Variants in SLC36A1 observed in about 807,000 individuals in gnomAD.
The protein encoded by SLC36A1 is solute carrier family 36 member 1, also known as proton-coupled amino acid transporter 1.
SLC36A1 carries 30 observed loss-of-function variants against 47.5 expected under a neutral mutation model. That is an observed-to-expected ratio of 0.63 (90% CI 0.47 to 0.86). The LOEUF (loss-of-function observed/expected upper bound fraction) is 0.86. SLC36A1 is among the 40% of genes least tolerant of loss of function. The pLI, the probability that SLC36A1 is intolerant of heterozygous loss-of-function variation, is 0.00. For missense variants in SLC36A1, 517 were observed against 606.0 expected (o/e 0.85, Z 1.54); for synonymous variants, 255 against 249.7 (o/e 1.02, Z -0.20).
the SLC36A1 span, chr5:151,544,577 T>C: frequency 6.2e-7 from 1 of 1,614,082 alleles, no homozygotes; most frequent in Non-Finnish European, 8.5e-7. Flanking sequence ...TAGAGGGTGA[T>C]ATTTTCAGGT....
chr5:151,552,794 G>T, the SLC36A1 span, among the ~76,000 whole-genome samples: 1 of 152,218 alleles, frequency 6.6e-6, no homozygotes, highest in Non-Finnish European at 1.5e-5. Context: ...ATTGAGCATG[G>T]CCCCAGGGTA....
chr5:151,484,155 A>G (rs944466996), intron 10 of SLC36A1, among the ~76,000 whole-genome samples: 3 of 152,110 alleles, frequency 2.0e-5, no homozygotes, highest in Admixed American at 6.5e-5. Flanking sequence ...CCACTTAACT[A>G]TCATGAAGTG....
the SLC36A1 span, chr5:151,531,876 C>T: frequency 9.3e-6 from 15 of 1,614,106 alleles, no homozygotes; most frequent in African/African-American, 2.7e-5. This position sits in a 1 kb window ranked among gnomAD's most constrained non-coding sequence, Gnocchi z 5.7. Context: ...TGACCTGCAG[C>T]GGCTTTTCCA....
chr5:151,469,672 T>C (rs1757051319), intron 7 of SLC36A1, among the ~76,000 whole-genome samples: 2 of 152,156 alleles, frequency 1.3e-5, no homozygotes, highest in Non-Finnish European at 2.9e-5. Flanking sequence ...TTCCAAAAGC[T>C]ATTTCCTAAT....
intron 9 of SLC36A1, among the ~76,000 whole-genome samples, chr5:151,479,028 G>A (rs959010130): frequency 1.4e-4 from 22 of 152,096 alleles, no homozygotes; most frequent in Non-Finnish European, 2.4e-4. Context: ...AAAGCTATAC[G>A]GGGGCACCAC....
chr5:151,537,578 T>C, the SLC36A1 span, among the ~76,000 whole-genome samples: 2,421 of 152,332 alleles, frequency 0.016, 66 homozygotes, highest in African/African-American at 0.055. Context: ...ACTGATTCAA[T>C]GACCCCCTTT....
chr5:151,428,704 C>T, the SLC36A1 span, among the ~76,000 whole-genome samples: 1 of 152,130 alleles, frequency 6.6e-6, no homozygotes, highest in African/African-American at 2.4e-5. Flanking sequence ...ATGATCTCGG[C>T]TCACTGCAAC....
At chr5:151,390,464 G>A in the SLC36A1 span, among the ~76,000 whole-genome samples, 7 of 152,154 alleles carry the variant, frequency 4.6e-5, no homozygotes, top group Admixed American at 2.6e-4. Context: ...TGGTGTTTTA[G>A]ACATGAAGTC....
chr5:151,376,859 C>G, the SLC36A1 span, among the ~76,000 whole-genome samples: 1 of 152,168 alleles, frequency 6.6e-6, no homozygotes, highest in Non-Finnish European at 1.5e-5. Context: ...TCTCGAACTC[C>G]TGACTTCAGG....
At chr5:151,418,602 G>A in the SLC36A1 span, among the ~76,000 whole-genome samples, 2 of 152,198 alleles carry the variant, frequency 1.3e-5, no homozygotes, top group African/African-American at 2.4e-5. Flanking sequence ...TTTGGAATCA[G>A]TGTATTTACC....
chr5:151,439,397 G>A (rs1366492135), intron 1 of SLC36A1, among the ~76,000 whole-genome samples: 7 of 152,150 alleles, frequency 4.6e-5, no homozygotes, highest in African/African-American at 1.2e-4. Flanking sequence ...GCTCACTCCC[G>A]TAATCCCAGC....
the SLC36A1 span, chr5:151,347,598 G>T: frequency 9.5e-7 from 1 of 1,048,996 alleles, no homozygotes; most frequent in Non-Finnish European, 1.4e-6. Context: ...GCTGGAACGA[G>T]GCCCCGCCCA....
the SLC36A1 span, among the ~76,000 whole-genome samples, chr5:151,377,281 G>A: frequency 6.6e-6 from 1 of 151,160 alleles, no homozygotes; most frequent in Middle Eastern, 3.2e-3. Context: ...TTCTGTCTCA[G>A]TGATCTGTCT....
chr5:151,377,347 C>CTTTTT, the SLC36A1 span, among the ~76,000 whole-genome samples: 62 of 120,288 alleles, frequency 5.2e-4, no homozygotes, highest in East Asian at 1.3e-3. Flanking sequence ...CTGTCTCTTT[C>CTTTTT]TTTTTTTTTT....
chr5:151,507,462 C>A, the SLC36A1 span: 1 of 1,614,134 alleles, frequency 6.2e-7, no homozygotes, highest in Non-Finnish European at 8.5e-7. Context: ...GCAACGGCGG[C>A]AGTAGAAGAG....
At chr5:151,467,176 A>G (rs1756526618) in intron 5 of SLC36A1, 23 bp from the exon 6 acceptor site, 17 of 1,545,044 alleles carry the variant, frequency 1.1e-5, no homozygotes, top group Admixed American at 1.8e-5. Context: ...CAGTCTTTGT[A>G]TTCCTTCCTT....
At chr5:151,362,389 CTT>C in the SLC36A1 span, among the ~76,000 whole-genome samples, 2,083 of 109,026 alleles carry the variant, frequency 0.019, 51 homozygotes, top group African/African-American at 0.081. Flanking sequence ...ATTGATTCTT[CTT>C]TTTTTTTTTT....
At chr5:151,481,711 A>T (rs1758824189) in intron 10 of SLC36A1, among the ~76,000 whole-genome samples, 1 of 151,882 alleles carries the variant, frequency 6.6e-6, no homozygotes, top group Non-Finnish European at 1.5e-5. Flanking sequence ...ACTATGGCTG[A>T]TACGGACTTT....
At chr5:151,484,328 G>C (rs1759228913) in intron 10 of SLC36A1, among the ~76,000 whole-genome samples, 1 of 152,186 alleles carries the variant, frequency 6.6e-6, no homozygotes, top group Admixed American at 6.5e-5. Flanking sequence ...ATGCTTGTGT[G>C]GCTGGGACTG....
Sources: allele counts gnomAD v4.1 joint callset (sites outside exome capture counted in the v4.1 genomes callset), GRCh38; gene constraint gnomAD v4.1.1; non-coding constraint Gnocchi (gnomAD v3.1); transcripts MANE v1.5; gene names NCBI Gene and HGNC (gene_info 2026-07-23, HGNC 2026-07-21).